RHOT1: variants seen among roughly 807,000 people sequenced by gnomAD.
The protein encoded by RHOT1 is ras homolog family member T1.
RHOT1 carries 27 observed loss-of-function variants against 95.3 expected under a neutral mutation model. That is an observed-to-expected ratio of 0.28 (90% CI 0.21 to 0.39). The LOEUF (loss-of-function observed/expected upper bound fraction) is 0.39. Ranked by LOEUF, RHOT1 falls within the 10% of genes least tolerant of loss-of-function variation. RHOT1 has a pLI of 1.00. For missense variants in RHOT1, 578 were observed against 786.7 expected, an observed-to-expected ratio of 0.73 and a Z score of 3.17; for synonymous variants, 227 against 263.5, an observed-to-expected ratio of 0.86 and a Z score of 1.34.
intron 8 of RHOT1, among the ~76,000 whole-genome samples, chr17:32,190,685 G>C (rs1008321047): frequency 3.3e-5 from 5 of 151,972 alleles, no homozygotes; most frequent in African/African-American, 1.2e-4. Context: ...TGACTAACAG[G>C]ATCACATTTA....
At chr17:32,194,656 A>G (rs1183940663) in intron 11 of RHOT1, among the ~76,000 whole-genome samples, 1 of 152,146 alleles carries the variant, frequency 6.6e-6, no homozygotes, top group Non-Finnish European at 1.5e-5. Context: ...TGAGGAAGGA[A>G]AAATAAGATG....
chr17:32,185,256 A>G (rs1239361562), intron 8 of RHOT1, among the ~76,000 whole-genome samples: 1 of 151,982 alleles, frequency 6.6e-6, no homozygotes, highest in Non-Finnish European at 1.5e-5. Context: ...AATGATAGGC[A>G]TGCGCCACTA....
intron 1 of RHOT1, chr17:32,159,968 GCCCATGGA>G (rs1490416558): frequency 2.0e-5 from 3 of 152,164 alleles, no homozygotes; most frequent in Non-Finnish European, 4.4e-5. Flanking sequence ...TCCCATGGCT[GCCCATGGA>G]CCAATCGGCA....
chr17:32,185,646 A>G (rs745797548), intron 8 of RHOT1, among the ~76,000 whole-genome samples: 1 of 150,712 alleles, frequency 6.6e-6, no homozygotes, highest in African/African-American at 2.4e-5. Flanking sequence ...AGGCTCAAGC[A>G]ATGCACCCGC....
At chr17:32,150,510 C>T in intron 1 of RHOT1, 1 of 1,356,090 alleles carries the variant, frequency 7.4e-7, no homozygotes, top group Non-Finnish European at 1.0e-6. Context: ...TAAAGCCTTG[C>T]CTTATCATAC....
chr17:32,215,559 T>C (rs527680433), intron 19 of RHOT1, among the ~76,000 whole-genome samples: 6 of 144,348 alleles, frequency 4.2e-5, no homozygotes, highest in African/African-American at 1.3e-4. Context: ...TGGTTATATT[T>C]TCAGTGATGT....
At chr17:32,206,585 G>A (rs2142883709) in intron 16 of RHOT1, among the ~76,000 whole-genome samples, 1 of 151,666 alleles carries the variant, frequency 6.6e-6, no homozygotes, top group South Asian at 2.1e-4. Flanking sequence ...CCTAGTAGCT[G>A]GGACTACAGG....
intron 1 of RHOT1, among the ~76,000 whole-genome samples, chr17:32,149,635 A>ATATATATATATATATG (rs1445281403): frequency 2.4e-4 from 14 of 59,086 alleles, no homozygotes; most frequent in Non-Finnish European, 4.1e-4. Context: ...ATATATATAT[A>ATATATATATATATATG]TGTGTGTGTG....
intron 8 of RHOT1, among the ~76,000 whole-genome samples, chr17:32,189,736 CTTTT>C (rs71362807): frequency 2.4e-5 from 3 of 124,394 alleles, no homozygotes. Flanking sequence ...CTTTTCTTTT[CTTTT>C]TTTTTTTTTT....
At chr17:32,204,288 C>CGTGA (rs1385580923) in intron 16 of RHOT1, among the ~76,000 whole-genome samples, 1 of 151,974 alleles carries the variant, frequency 6.6e-6, no homozygotes, top group Non-Finnish European at 1.5e-5. Context: ...TGGTGGCTCA[C>CGTGA]GCCTGTAATC....
chr17:32,195,961 C>T (rs775100611), intron 11 of RHOT1, among the ~76,000 whole-genome samples: 22 of 152,034 alleles, frequency 1.4e-4, no homozygotes, highest in African/African-American at 4.6e-4. Context: ...CACGTCTTGT[C>T]GCATTGTGGC....
At chr17:32,206,610 C>T (rs1436894373) in intron 16 of RHOT1, among the ~76,000 whole-genome samples, 1 of 151,848 alleles carries the variant, frequency 6.6e-6, no homozygotes, top group African/African-American at 2.4e-5. Context: ...CGCCACCACA[C>T]CTGGCTAATT....
At chr17:32,211,627 A>G (rs575675264) in intron 19 of RHOT1, among the ~76,000 whole-genome samples, 1 of 152,342 alleles carries the variant, frequency 6.6e-6, no homozygotes, top group South Asian at 2.1e-4. Context: ...TCAGCTTACA[A>G]TGAAATAATA....
intron 1 of RHOT1, among the ~76,000 whole-genome samples, chr17:32,146,970 C>T (rs2142344664): frequency 7.3e-6 from 1 of 137,690 alleles, no homozygotes; most frequent in South Asian, 2.3e-4. Context: ...TCTGGAACTG[C>T]TGACCTCAAG....
Position 32,175,353 on chromosome 17 carries a change from AAT to A in RHOT1, c.216_217del (p.Gln74GlyfsTer2), listed in dbSNP as rs772203703. The A allele has an allele frequency of 6.2e-7, 1 of 1,613,650 alleles. No individual in the cohort carries two copies. The highest frequency in any genetic ancestry group is 1.1e-5 in the South Asian group (1 of 91,062). ...EQSDEQLHQE[I>X]SQANVICIVY... ...AGAGTGATGAACAACTTCATCAAGA[AAT>A]ATCTCAGGTGAGCTTTAAAAAACAG... On this transcript the variant is annotated frameshift_variant, in exon 4 of 20. Coordinates refer to ENST00000545287, the MANE Select transcript of RHOT1 (RefSeq NM_001033566.3). LOFTEE classifies it high-confidence loss of function.
At chr17:32,194,928 C>T (rs752311363) in intron 11 of RHOT1, among the ~76,000 whole-genome samples, 12 of 150,348 alleles carry the variant, frequency 8.0e-5, no homozygotes, top group East Asian at 2.0e-4. Context: ...CGCGTTTAAG[C>T]GATTCTTCTG....
chr17:32,205,246 A>G (rs2037628027), intron 16 of RHOT1, among the ~76,000 whole-genome samples: 2 of 151,474 alleles, frequency 1.3e-5, no homozygotes, highest in Non-Finnish European at 2.9e-5. Context: ...CAACTCCCAC[A>G]CTTATGAGTG....
intron 1 of RHOT1, among the ~76,000 whole-genome samples, chr17:32,146,293 G>A (rs556256879): frequency 6.6e-6 from 1 of 152,214 alleles, no homozygotes; most frequent in Admixed American, 6.5e-5. Flanking sequence ...CCAGTGGCTA[G>A]AACAGACCTG....
chr17:32,185,647 A>G (rs772194548), intron 8 of RHOT1, among the ~76,000 whole-genome samples: 3 of 151,036 alleles, frequency 2.0e-5, no homozygotes, highest in Non-Finnish European at 4.4e-5. Context: ...GGCTCAAGCA[A>G]TGCACCCGCC....
Sources: gnomAD v4.1 joint callset for allele counts (sites outside exome capture counted in the v4.1 genomes callset) on GRCh38, gnomAD v4.1.1 for gene constraint, MANE v1.5 for transcripts, NCBI Gene and HGNC (gene_info 2026-07-23, HGNC 2026-07-21) for gene names.